Variants in GOT1 observed in about 807,000 individuals in gnomAD.
GOT1 encodes glutamic-oxaloacetic transaminase 1, also known as aspartate aminotransferase, cytoplasmic.
Under a neutral mutation model 48.2 loss-of-function variants are expected in GOT1, and 25 were observed. The ratio of observed to expected loss-of-function variants is 0.52; its 90% confidence interval spans 0.38 to 0.72. The LOEUF (loss-of-function observed/expected upper bound fraction) is 0.72. GOT1 is among the 30% of genes least tolerant of loss of function. The probability of loss-of-function intolerance (pLI) is 0.00; values close to 1 mark genes in which losing one functional copy is unlikely to be tolerated. For missense variants in GOT1, 380 were observed against 520.1 expected, an observed-to-expected ratio of 0.73 and a Z score of 2.62; for synonymous variants, 188 against 193.8, an observed-to-expected ratio of 0.97 and a Z score of 0.25.
chr10:99,406,656 A>T, intron 3 of GOT1, 70 bp downstream of exon 3: 1 of 1,485,452 alleles, frequency 6.7e-7, no homozygotes, highest in Non-Finnish European at 9.4e-7. Context: ...TTTCTGTGTA[A>T]CCAGGGAGAG....
At chr10:99,405,721 C>T in intron 5 of GOT1, 35 bp downstream of exon 5, 1 of 968,598 alleles carries the variant, frequency 1.0e-6, no homozygotes, top group African/African-American at 1.6e-5. Flanking sequence ...AGAATATATA[C>T]TATTTTTTAA....
chr10:99,422,646 T>C (rs2032985743), intron 1 of GOT1, among the ~76,000 whole-genome samples: 1 of 152,174 alleles, frequency 6.6e-6, no homozygotes, highest in Non-Finnish European at 1.5e-5. Context: ...AATCCCTCCC[T>C]CCATAAATAA....
intron 2 of GOT1, among the ~76,000 whole-genome samples, chr10:99,417,428 C>A (rs1479368851): frequency 1.3e-5 from 2 of 152,268 alleles, no homozygotes; most frequent in Admixed American, 1.3e-4. Flanking sequence ...AGTCAGGAAA[C>A]AACAGGTGCT....
At chr10:99,416,667 G>C (rs999465478) in intron 2 of GOT1, among the ~76,000 whole-genome samples, 2 of 152,148 alleles carry the variant, frequency 1.3e-5, no homozygotes, top group African/African-American at 4.8e-5. Context: ...CATGCTACTT[G>C]ACTTCAAACT....
chr10:99,408,306 CT>C lies in GOT1; in HGVS notation c.301-1458del, dbSNP rs202086663. ...TCTGCCTATAGATCTTTGATTTTGC[CT>C]CTTCAAAATTCTAATTAGGTTTCAG... On this transcript the variant is annotated intron_variant, in intron 2 of 8. Transcript: ENST00000370508. 8.3e-4 allele frequency among the ~76,000 whole-genome samples: 127 copies of C among 152,212 alleles called. 5 individuals carry two copies. The East Asian group carries it at 0.022, about 26-fold the overall frequency.
At chr10:99,416,466 T>A (rs1018139300) in intron 2 of GOT1, among the ~76,000 whole-genome samples, 1 of 152,198 alleles carries the variant, frequency 6.6e-6, no homozygotes, top group Admixed American at 6.5e-5. Flanking sequence ...TGGAAGAACA[T>A]TCCATGCTCA....
At chr10:99,413,160 C>T (rs181727259) in intron 2 of GOT1, among the ~76,000 whole-genome samples, 404 of 152,166 alleles carry the variant, frequency 2.7e-3, no homozygotes, top group African/African-American at 8.9e-3. Flanking sequence ...GGAGGAAGTT[C>T]GAACCCATCG....
intron 2 of GOT1, among the ~76,000 whole-genome samples, chr10:99,407,570 C>G (rs1162031500): frequency 6.6e-6 from 1 of 151,732 alleles, no homozygotes; most frequent in East Asian, 1.9e-4. Flanking sequence ...GTAGCTGGGA[C>G]TACAGGCGCC....
At chr10:99,406,617 C>G in intron 3 of GOT1, 109 bp downstream of exon 3, 1 of 1,081,604 alleles carries the variant, frequency 9.2e-7, no homozygotes, top group South Asian at 1.4e-5. Context: ...CCATTCCCAA[C>G]AGTCAGTTGT....
At chr10:99,417,880 C>T (rs997535925) in intron 2 of GOT1, among the ~76,000 whole-genome samples, 1 of 152,048 alleles carries the variant, frequency 6.6e-6, no homozygotes, top group Non-Finnish European at 1.5e-5. Flanking sequence ...GGAAGGAGAA[C>T]ATCACACACG....
At chr10:99,402,807 A>C in intron 7 of GOT1, 85 bp from the exon 8 acceptor site, 105 of 1,127,500 alleles carry the variant, frequency 9.3e-5, no homozygotes, top group East Asian at 1.5e-4. Flanking sequence ...CTCTAATTTA[A>C]ACGACAGCTG....
chr10:99,404,018 C>T lies in GOT1; in HGVS notation c.643-144G>A. 7.2e-6 allele frequency: 5 copies of T among 694,440 alleles called. No individual in the cohort carries two copies. In the South Asian group the frequency reaches 9.0e-5, roughly 13 times the overall value. 43.0% of individuals were successfully genotyped at this position (694,440 alleles called of 1,614,324 possible). On this transcript the variant is annotated intron_variant, in intron 5 of 8. Transcript: ENST00000370508. Reference sequence around the variant, plus strand: ...TTCTTGACTATATGCACCCAAGCTCCACTTTACATCCATTTCTCTCTACAA... The same window carrying T: ...TTCTTGACTATATGCACCCAAGCTCTACTTTACATCCATTTCTCTCTACAA...
intron 1 of GOT1, among the ~76,000 whole-genome samples, chr10:99,425,724 C>A (rs906251610): frequency 6.6e-6 from 1 of 151,972 alleles, no homozygotes; most frequent in Admixed American, 6.6e-5. Context: ...GTAGTGGGGT[C>A]GACCAAGACC....
At position 99,400,795 on chromosome 10, in the gene GOT1, G is replaced by T. The variant is rs542753818; in HGVS notation, c.1102+1785C>A. On this transcript the variant is annotated intron_variant, in intron 8 of 8. Transcript: ENST00000370508. ...GTCTCTACTAAAAATACAAAAATTA[G>T]CTGGGTGTGGTGGCTCATGCCTGTA... 5.9e-5 allele frequency among the ~76,000 whole-genome samples: 9 copies of T among 152,300 alleles called. No homozygotes were observed. The East Asian group carries it at 1.7e-3, about 29-fold the overall frequency.
chr10:99,407,492 G>T (rs973924598), intron 2 of GOT1, among the ~76,000 whole-genome samples: 9 of 150,926 alleles, frequency 6.0e-5, no homozygotes, highest in African/African-American at 2.2e-4. Context: ...GAGTGCAGTG[G>T]CATGGTCTCA....
chr10:99,400,770 G>A (rs1358929901), intron 8 of GOT1, among the ~76,000 whole-genome samples: 5 of 152,160 alleles, frequency 3.3e-5, no homozygotes, highest in Admixed American at 2.6e-4. Flanking sequence ...GTGAAACCCT[G>A]TCTCTACTAA....
intron 2 of GOT1, among the ~76,000 whole-genome samples, chr10:99,413,925 G>C (rs892766032): frequency 2.6e-5 from 4 of 152,098 alleles, no homozygotes; most frequent in African/African-American, 7.2e-5. Flanking sequence ...TGCCCTACAA[G>C]AGCTCCTGAA....
chr10:99,402,777 AAAAC>A, intron 7 of GOT1, 55 bp from the exon 8 acceptor site: 1 of 1,476,130 alleles, frequency 6.8e-7, no homozygotes, highest in Non-Finnish European at 9.5e-7. Flanking sequence ...ATGGTACCCG[AAAAC>A]ACACAGGTTT....
intron 1 of GOT1, among the ~76,000 whole-genome samples, chr10:99,421,637 T>G (rs1360632029): frequency 6.6e-6 from 1 of 152,198 alleles, no homozygotes; most frequent in African/African-American, 2.4e-5. Flanking sequence ...TTCCCTACAC[T>G]ATTCTATGAT....
Sources: allele counts gnomAD v4.1 joint callset (sites outside exome capture counted in the v4.1 genomes callset), GRCh38; gene constraint gnomAD v4.1.1; transcripts MANE v1.5; gene names NCBI Gene and HGNC (gene_info 2026-07-23, HGNC 2026-07-21).